SAG: variants seen among roughly 807,000 people sequenced by gnomAD.
SAG encodes the protein S-antigen visual arrestin, also known as S-arrestin.
Under a neutral mutation model 55.0 loss-of-function variants are expected in SAG, and 45 were observed. The observed-to-expected ratio is 0.82, with a 90% CI of 0.64 to 1.05. The LOEUF is 1.05. Among genes scored for constraint, SAG ranks in the 50% least tolerant of loss-of-function variants. The pLI is 0.00. For missense variants in SAG, 455 were observed against 512.1 expected (o/e 0.89, Z 1.08); for synonymous variants, 189 against 197.4 (o/e 0.96, Z 0.36).
chr2:233,334,975 C>T lies in SAG; in HGVS notation c.820C>T (p.Pro274Ser), dbSNP rs369789189. The change falls in exon 11 of 16, where the codon CCA becomes TCA. Residue 274 changes from proline to serine, a missense_variant. By Grantham distance (74) the Pro-to-Ser change is moderately conservative. Coordinates refer to ENST00000409110, the MANE Select transcript of SAG (RefSeq NM_000541.5). Reference sequence around the variant, plus strand: ...TTCTTCCTCTAGAGAAAAAGTGCCACCAAACAGCACTTTGACCAAGACGCT... The same window carrying T: ...TTCTTCCTCTAGAGAAAAAGTGCCATCAAACAGCACTTTGACCAAGACGCT... ...AMEEAQEKVP[P>S]NSTLTKTLTL... is the part of the protein sequence containing the mutation. 4.8e-5 allele frequency: 78 copies of T among 1,613,964 alleles called. No homozygotes were observed. The Middle Eastern group carries it at 6.6e-4, about 14-fold the overall frequency.
intron 6 of SAG, among the ~76,000 whole-genome samples, chr2:233,324,378 T>C (rs1244969922): frequency 6.6e-6 from 1 of 152,088 alleles, no homozygotes; most frequent in African/African-American, 2.4e-5. Context: ...GCCTGAGCGA[T>C]AGAGTGAGAC....
intron 3 of SAG, among the ~76,000 whole-genome samples, chr2:233,317,590 A>G (rs1574931170): frequency 6.6e-6 from 1 of 152,370 alleles, no homozygotes; most frequent in East Asian, 1.9e-4. Flanking sequence ...ATCAAAAGCC[A>G]AATCCAATTC....
Position 233,327,178 on chromosome 2 carries a change from G to C in SAG, c.493G>C (p.Glu165Gln). 1 of 1,613,798 alleles carries C rather than the reference G, an allele frequency of 6.2e-7. No individual in the cohort carries two copies. The highest frequency in any genetic ancestry group is 8.5e-7 in the Non-Finnish European group (1 of 1,179,768). Residue 165 changes from glutamate to glutamine, a missense_variant, in exon 7 of 16, where the codon GAG becomes CAG. Physicochemically the swap from Glu to Gln is conservative, Grantham distance 29. Coordinates refer to ENST00000409110, the MANE Select transcript of SAG (RefSeq NM_000541.5). ...CGCCACAGACAGCACCGATGCCGAA[G>C]AGGACAAAATCCCCAAGAAGTAAGA... ...AFATDSTDAE[E>Q]DKIPKKSSVR...
Position 233,327,136 on chromosome 2 carries a change from T to C in SAG, c.451T>C (p.Phe151Leu). ...TCCCCAACAGTCCTGTGGGGTTGACTTTGAGGTCAAAGCATTCGCCACAGA... is the reference window on the plus strand; with the variant it reads ...TCCCCAACAGTCCTGTGGGGTTGACCTTGAGGTCAAAGCATTCGCCACAGA... ...QDSGKSCGVDFEVKAFATDST... is the reference protein window; with the variant it reads ...QDSGKSCGVDLEVKAFATDST... Residue 151 changes from phenylalanine to leucine, a missense_variant, in exon 7 of 16, where the codon TTT becomes CTT. Phe to Leu is a conservative substitution (Grantham distance 22, BLOSUM62 0). Transcript: ENST00000409110. 2 of 1,613,860 alleles carry C rather than the reference T, an allele frequency of 1.2e-6. No homozygotes were observed. Among genetic ancestry groups the C allele is most frequent in the South Asian group, 2.2e-5 (2 of 91,080 alleles).
intron 3 of SAG, among the ~76,000 whole-genome samples, chr2:233,317,676 A>G (rs989810231): frequency 1.3e-5 from 2 of 152,238 alleles, no homozygotes; most frequent in Non-Finnish European, 2.9e-5. Context: ...TATTAATTAC[A>G]ATGGGAAAAA....
At chr2:233,320,916 C>A in intron 5 of SAG, 93 bp downstream of exon 5, 1 of 1,094,134 alleles carries the variant, frequency 9.1e-7, no homozygotes, top group Non-Finnish European at 1.3e-6. Flanking sequence ...GGAAGAACTT[C>A]ACATCTGCAG....
intron 8 of SAG, chr2:233,329,132 G>A (rs1395197163): frequency 9.9e-6 from 3 of 304,352 alleles, no homozygotes; most frequent in African/African-American, 5.7e-5. Flanking sequence ...TGCACTGTGT[G>A]TATACACGTG....
At chr2:233,321,657 G>T (rs1233660168) in intron 5 of SAG, among the ~76,000 whole-genome samples, 2 of 152,122 alleles carry the variant, frequency 1.3e-5, no homozygotes, top group African/African-American at 4.8e-5. Context: ...AGATTGGGAA[G>T]ATGAAAAATG....
intron 2 of SAG, among the ~76,000 whole-genome samples, chr2:233,312,759 C>G (rs934949642): frequency 6.6e-6 from 1 of 152,176 alleles, no homozygotes; most frequent in African/African-American, 2.4e-5. Context: ...TCAACCGTCC[C>G]CTGTCCTCTG....
chr2:233,331,572 G>A, intron 9 of SAG, 68 bp from the exon 10 acceptor site: 1 of 973,672 alleles, frequency 1.0e-6, no homozygotes, highest in Non-Finnish European at 1.7e-6. Context: ...TACCCTGGGA[G>A]GCCGCAGGGA....
intron 3 of SAG, among the ~76,000 whole-genome samples, chr2:233,316,471 C>G (rs1320685270): frequency 6.6e-6 from 1 of 152,014 alleles, no homozygotes; most frequent in Non-Finnish European, 1.5e-5. Context: ...ATCACCACGC[C>G]CAGCTAATTT....
At chr2:233,344,886 C>T (rs1248139510) in intron 14 of SAG, 2 of 152,158 alleles carry the variant, frequency 1.3e-5, no homozygotes, top group Non-Finnish European at 2.9e-5. Context: ...TTACTGAATC[C>T]GAAGATGCTG....
At chr2:233,320,466 C>T (rs2125327918) in intron 4 of SAG, among the ~76,000 whole-genome samples, 164 bp from the exon 5 acceptor site, 1 of 152,310 alleles carries the variant, frequency 6.6e-6, no homozygotes, top group South Asian at 2.1e-4. Context: ...GGCTGATTCT[C>T]CAGAGTGGTG....
At chr2:233,342,091 T>A (rs1701121744) in intron 13 of SAG, among the ~76,000 whole-genome samples, 180 bp from the exon 14 acceptor site, 1 of 145,660 alleles carries the variant, frequency 6.9e-6, no homozygotes, top group African/African-American at 2.6e-5. Flanking sequence ...GCCACTGCAC[T>A]CCAGCCTGGG....
At chr2:233,341,123 AT>A (rs1701088386) in intron 13 of SAG, among the ~76,000 whole-genome samples, 1 of 152,072 alleles carries the variant, frequency 6.6e-6, no homozygotes. Flanking sequence ...AAATTTTACC[AT>A]TTTAACCGTT....
At position 233,327,107 on chromosome 2, in the gene SAG, TCTCTC is replaced by T. The variant is rs1218592534; in HGVS notation, c.436-12_436-8del. 1 of 1,611,502 alleles carries T rather than the reference TCTCTC, an allele frequency of 6.2e-7. No individual in the cohort carries two copies. The highest frequency in any genetic ancestry group is 1.3e-5 in the African/African-American group (1 of 75,000). ...GTCGCTGATCGCTGCCTGTCTGCTC[TCTCTC>T]CCCAACAGTCCTGTGGGGTTGACTT... On this transcript the variant is annotated splice_polypyrimidine_tract_variant and intron_variant, in intron 6 of 15. Coordinates refer to ENST00000409110, the MANE Select transcript of SAG (RefSeq NM_000541.5).
chr2:233,317,990 G>A (rs568405217), intron 3 of SAG, among the ~76,000 whole-genome samples: 1 of 151,924 alleles, frequency 6.6e-6, no homozygotes, highest in East Asian at 1.9e-4. Context: ...TTTTTGTCGG[G>A]GGTGTGGGAC....
In SAG at chr2:233,340,943, A is replaced by G. The variant is rs1256782472; in HGVS notation, c.1046+465A>G. On this transcript the variant is annotated intron_variant, in intron 13 of 15. Coordinates refer to ENST00000409110, the MANE Select transcript of SAG (RefSeq NM_000541.5). This position sits in a 1 kb window ranked among gnomAD's most constrained non-coding sequence, Gnocchi z 4.2. ...ATCCTCCCGCCTCAGCCTCCTGAGT[A>G]GCTGAGATTACAAGCGTGTGCCACA... Among the ~76,000 whole-genome samples the G allele has an allele frequency of 6.6e-6, 1 of 151,928 alleles. No homozygotes were observed. The highest frequency in any genetic ancestry group is 1.5e-5 in the Non-Finnish European group (1 of 68,002).
At chr2:233,322,185 CAAAAAAAAAAAAA>C (rs35197599) in intron 5 of SAG, among the ~76,000 whole-genome samples, 124 of 66,100 alleles carry the variant, frequency 1.9e-3, no homozygotes, top group Non-Finnish European at 3.1e-3. Flanking sequence ...GACTCTGTCT[CAAAAAAAAAAAAA>C]AAAAAAAAAA....
Sources: allele counts gnomAD v4.1 joint callset (sites outside exome capture counted in the v4.1 genomes callset), GRCh38; gene constraint gnomAD v4.1.1; non-coding constraint Gnocchi (gnomAD v3.1); transcripts MANE v1.5; gene names NCBI Gene and HGNC (gene_info 2026-07-23, HGNC 2026-07-21).